AKAP6: variants seen among roughly 807,000 people sequenced by gnomAD.
AKAP6 encodes the protein A-kinase anchoring protein 6, also known as A-kinase anchor protein 6.
A neutral mutation model predicts 188.5 loss-of-function variants in AKAP6; 58 were observed. The ratio of observed to expected loss-of-function variants is 0.31; its 90% confidence interval spans 0.25 to 0.38. The LOEUF (loss-of-function observed/expected upper bound fraction) is 0.38, where lower values mean the gene tolerates loss of function less well. Among genes scored for constraint, AKAP6 ranks in the 10% least tolerant of loss-of-function variants. AKAP6 has a pLI of 1.00. For synonymous variants in AKAP6, 989 were observed against 998.6 expected (o/e 0.99, Z 0.18); for missense variants, 2,710 against 2,740.0 (o/e 0.99, Z 0.24).
At chr14:32,540,172 A>C (rs60513077) in intron 3 of AKAP6, among the ~76,000 whole-genome samples, 8,197 of 89,080 alleles carry the variant, frequency 0.092, 387 homozygotes, top group Non-Finnish European at 0.13. Flanking sequence ...CTCTCTCTAT[A>C]TATATATATA....
intron 9 of AKAP6, among the ~76,000 whole-genome samples, chr14:32,714,472 A>T (rs962002537): frequency 6.6e-6 from 1 of 151,990 alleles, no homozygotes; most frequent in Non-Finnish European, 1.5e-5. Flanking sequence ...TATAATTTCT[A>T]AATACTACAC....
At chr14:32,374,610 C>T (rs1888104984) in intron 1 of AKAP6, among the ~76,000 whole-genome samples, 1 of 152,050 alleles carries the variant, frequency 6.6e-6, no homozygotes, top group Admixed American at 6.6e-5. Context: ...CTGTAGACAA[C>T]CCGGAGCCTT....
At chr14:32,724,762 C>T (rs1207189602) in intron 9 of AKAP6, among the ~76,000 whole-genome samples, 2 of 151,984 alleles carry the variant, frequency 1.3e-5, no homozygotes, top group Non-Finnish European at 2.9e-5. Context: ...TTATCAAATA[C>T]AGATCAAAAG....
At chr14:32,607,966 A>T (rs1886191241) in intron 7 of AKAP6, among the ~76,000 whole-genome samples, 1 of 152,204 alleles carries the variant, frequency 6.6e-6, no homozygotes, top group Non-Finnish European at 1.5e-5. Flanking sequence ...AGACAGAAAC[A>T]AAAGTGAGTT....
chr14:32,699,780 G>T (rs1890551627), intron 9 of AKAP6, among the ~76,000 whole-genome samples: 2 of 152,156 alleles, frequency 1.3e-5, no homozygotes, highest in African/African-American at 4.8e-5. Flanking sequence ...CCTCGAAGGA[G>T]AATTTGCACC....
At chr14:32,646,461 C>T (rs191628740) in intron 7 of AKAP6, among the ~76,000 whole-genome samples, 24 of 152,092 alleles carry the variant, frequency 1.6e-4, no homozygotes, top group Admixed American at 7.2e-4. Context: ...TGAAGCTGCA[C>T]GCAAGATCTA....
At chr14:32,609,168 T>G (rs1188353921) in intron 7 of AKAP6, among the ~76,000 whole-genome samples, 1 of 152,136 alleles carries the variant, frequency 6.6e-6, no homozygotes, top group African/African-American at 2.4e-5. Context: ...TACACACACC[T>G]GCACTCAGCA....
intron 1 of AKAP6, among the ~76,000 whole-genome samples, chr14:32,428,354 A>G (rs1890102181): frequency 6.6e-6 from 1 of 152,106 alleles, no homozygotes. Flanking sequence ...TAGCTTCCAA[A>G]TAGGGACTGC....
chr14:32,815,980 A>G (rs987582203), intron 12 of AKAP6, among the ~76,000 whole-genome samples: 4 of 152,214 alleles, frequency 2.6e-5, no homozygotes, highest in Non-Finnish European at 4.4e-5. Context: ...CCAAACCTGT[A>G]TGAGTACCTC....
In AKAP6 at chr14:32,510,404, GTATATATATGTA is replaced by G. The variant is rs796574366; in HGVS notation, c.325-25141_325-25130del. The stretch of plus-strand genomic sequence containing the variant: ...TGTATATATATATGTGTATATATAT[GTATATATATGTA>G]TATATATACATATATATATGTGTAT... On this transcript the variant is annotated intron_variant, in intron 2 of 13. Transcript: ENST00000280979. Among the ~76,000 whole-genome samples the G allele has an allele frequency of 3.0e-3, 222 of 74,724 alleles. 5 individuals are homozygous for G. Among genetic ancestry groups the G allele is most frequent in the Middle Eastern group, 0.013 (2 of 158 alleles). The allele number at this position is 74,724 out of a possible 152,430, so 49.0% of individuals were successfully genotyped here.
intron 2 of AKAP6, among the ~76,000 whole-genome samples, chr14:32,498,160 A>G (rs1880425280): frequency 6.6e-6 from 1 of 152,070 alleles, no homozygotes; most frequent in African/African-American, 2.4e-5. Context: ...TTGTCATGTG[A>G]CTGTCATTTT....
intron 1 of AKAP6, among the ~76,000 whole-genome samples, chr14:32,416,984 G>T (rs1168875945): frequency 6.6e-6 from 1 of 152,156 alleles, no homozygotes; most frequent in Non-Finnish European, 1.5e-5. Context: ...GGGATTAAAG[G>T]CATGTGCCAC....
intron 2 of AKAP6, among the ~76,000 whole-genome samples, chr14:32,440,061 A>G (rs550637368): frequency 6.6e-6 from 1 of 152,296 alleles, no homozygotes; most frequent in Non-Finnish European, 1.5e-5. Context: ...ATGAATTAGA[A>G]AAGGATTTCA....
At chr14:32,797,158 A>G (rs939775666) in intron 12 of AKAP6, among the ~76,000 whole-genome samples, 14 of 152,216 alleles carry the variant, frequency 9.2e-5, no homozygotes, top group Admixed American at 8.5e-4. Flanking sequence ...GAGAAAAAGG[A>G]ACACTTTTAC....
intron 1 of AKAP6, among the ~76,000 whole-genome samples, chr14:32,413,450 G>A (rs1244536326): frequency 2.0e-5 from 3 of 152,054 alleles, no homozygotes; most frequent in Admixed American, 2.0e-4. Context: ...CCAAAGCGCT[G>A]GGGTTATAGG....
intron 11 of AKAP6, among the ~76,000 whole-genome samples, chr14:32,744,392 C>T (rs1471981889): frequency 6.6e-6 from 1 of 152,078 alleles, no homozygotes; most frequent in Non-Finnish European, 1.5e-5. Context: ...TCTCGGCTCA[C>T]TGCAAACTCC....
intron 4 of AKAP6, among the ~76,000 whole-genome samples, chr14:32,570,494 T>C (rs530779182): frequency 1.0e-3 from 159 of 152,186 alleles, no homozygotes; most frequent in Non-Finnish European, 1.8e-3. Context: ...TACAGTGCTG[T>C]AGACTTAGTG....
chr14:32,515,631 G>A (rs1594698460), intron 2 of AKAP6, among the ~76,000 whole-genome samples: 1 of 152,112 alleles, frequency 6.6e-6, no homozygotes, highest in East Asian at 1.9e-4. Context: ...AGGAAACTGA[G>A]GCTCAGCAAT....
intron 12 of AKAP6, among the ~76,000 whole-genome samples, chr14:32,792,180 G>A (rs568068478): frequency 9.8e-4 from 149 of 152,232 alleles, no homozygotes; most frequent in African/African-American, 3.4e-3. Flanking sequence ...AGCTTCATGG[G>A]AATAGCATTG....
Sources: gnomAD v4.1 joint callset for allele counts (sites outside exome capture counted in the v4.1 genomes callset) on GRCh38, gnomAD v4.1.1 for gene constraint, MANE v1.5 for transcripts, NCBI Gene and HGNC (gene_info 2026-07-23, HGNC 2026-07-21) for gene names.